ACOXL: variants seen among roughly 807,000 people sequenced by gnomAD.
ACOXL encodes acyl-coenzyme A oxidase-like protein.
ACOXL carries 70 observed loss-of-function variants against 71.9 expected under a neutral mutation model. That is an observed-to-expected ratio of 0.97 (90% CI 0.80 to 1.19). The LOEUF is 1.19. ACOXL is among the 50% of genes most tolerant of loss of function. The pLI, the probability that ACOXL is intolerant of heterozygous loss-of-function variation, is 0.00. For synonymous variants in ACOXL, 253 were observed against 281.6 expected (o/e 0.90, Z 1.02); for missense variants, 703 against 736.3 (o/e 0.95, Z 0.52).
intron 13 of ACOXL, among the ~76,000 whole-genome samples, chr2:110,990,654 A>G (rs778352150): frequency 5.3e-5 from 8 of 152,170 alleles, no homozygotes; most frequent in Non-Finnish European, 1.2e-4. Context: ...GAAGTTTTTG[A>G]TAGACACACT....
chr2:111,099,793 G>T (rs1348075243), intron 17 of ACOXL: 1 of 152,286 alleles, frequency 6.6e-6, no homozygotes, highest in South Asian at 2.1e-4. Context: ...GCATTAGTGA[G>T]TAGCTATCAG....
chr2:110,974,435 G>T (rs1353502062), intron 12 of ACOXL, among the ~76,000 whole-genome samples: 1 of 152,152 alleles, frequency 6.6e-6, no homozygotes, highest in Non-Finnish European at 1.5e-5. Flanking sequence ...GGCAGAGGTT[G>T]TAGCCCCTTG....
At chr2:110,898,183 G>GT (rs1463287908) in intron 10 of ACOXL, among the ~76,000 whole-genome samples, 1 of 83,768 alleles carries the variant, frequency 1.2e-5, no homozygotes, top group Non-Finnish European at 2.8e-5. Context: ...AATAGCAACA[G>GT]TCTATACAAC....
intron 9 of ACOXL, among the ~76,000 whole-genome samples, chr2:110,818,116 C>T (rs181454662): frequency 5.9e-5 from 9 of 151,984 alleles, no homozygotes; most frequent in African/African-American, 1.4e-4. Flanking sequence ...TATACTTGGC[C>T]GGGTGCAGTG....
chr2:111,024,901 G>T (rs2064949408), intron 14 of ACOXL, among the ~76,000 whole-genome samples: 1 of 148,960 alleles, frequency 6.7e-6, no homozygotes, highest in African/African-American at 2.4e-5. Flanking sequence ...ATATATAAAT[G>T]TATAATAATA....
intron 17 of ACOXL, 46 bp from the exon 18 acceptor site, chr2:111,117,570 T>C (rs1179045617): frequency 6.5e-7 from 1 of 1,544,546 alleles, no homozygotes; most frequent in African/African-American, 1.4e-5. Flanking sequence ...TAGATGGCTG[T>C]AAGTGTGCCA....
At chr2:110,983,999 A>T (rs139310948) in intron 12 of ACOXL, among the ~76,000 whole-genome samples, 190 of 152,128 alleles carry the variant, frequency 1.2e-3, no homozygotes, top group African/African-American at 4.3e-3. Flanking sequence ...ACGCACCACC[A>T]TGCCCGGCTA....
intron 12 of ACOXL, among the ~76,000 whole-genome samples, chr2:110,962,732 T>C (rs936248796): frequency 1.3e-5 from 2 of 152,228 alleles, no homozygotes; most frequent in African/African-American, 4.8e-5. Flanking sequence ...CTTGAAAATA[T>C]TATCAGAGCA....
intron 2 of ACOXL, among the ~76,000 whole-genome samples, chr2:110,769,579 G>C (rs1374673341): frequency 6.6e-6 from 1 of 152,122 alleles, no homozygotes. Flanking sequence ...TTGAGGCCAG[G>C]AGTTTGAGAC....
At position 110,805,306 on chromosome 2, in the gene ACOXL, A is replaced by G. The variant is rs1449221045; in HGVS notation, c.664A>G (p.Arg222Gly). The G allele has an allele frequency of 6.2e-7, 1 of 1,614,236 alleles. No homozygotes were observed. Among genetic ancestry groups the G allele is most frequent in the South Asian group, 1.1e-5 (1 of 91,088 alleles). Residue 222 changes from arginine to glycine, a missense_variant, in exon 9 of 18, where the codon AGG (arginine) becomes GGG (glycine). Coordinates refer to ENST00000439055, the MANE Select transcript of ACOXL (RefSeq NM_001142807.4). The part of the protein sequence containing the change: ...APDGQYHSPI[R>G]NKSARFNAML... ...AGATGGACAGTACCATTCGCCTATTAGGAACAAGAGTGCAAGATTCAATGC... is the reference window on the plus strand; with the variant it reads ...AGATGGACAGTACCATTCGCCTATTGGGAACAAGAGTGCAAGATTCAATGC...
intron 9 of ACOXL, among the ~76,000 whole-genome samples, chr2:110,822,318 T>A (rs1432577503): frequency 2.0e-5 from 3 of 152,196 alleles, no homozygotes; most frequent in African/African-American, 7.2e-5. Flanking sequence ...CAGTAGGGTC[T>A]TCTAGCCTTT....
chr2:111,069,691 A>G (rs1310399508), intron 16 of ACOXL, among the ~76,000 whole-genome samples: 1 of 152,090 alleles, frequency 6.6e-6, no homozygotes, highest in Non-Finnish European at 1.5e-5. Context: ...CAGTAAGTTG[A>G]GTTGAAATCA....
chr2:111,083,736 A>C (rs2068053920), intron 16 of ACOXL, among the ~76,000 whole-genome samples: 1 of 152,122 alleles, frequency 6.6e-6, no homozygotes, highest in Non-Finnish European at 1.5e-5. Context: ...ACAAGAGCTC[A>C]AAAGTCTCTC....
intron 11 of ACOXL, among the ~76,000 whole-genome samples, chr2:110,916,439 A>G (rs1290282364): frequency 1.3e-5 from 2 of 152,184 alleles, no homozygotes; most frequent in African/African-American, 2.4e-5. Flanking sequence ...ATAGCACTAA[A>G]TGCCCACAAG....
rs868744330 is a variant in ACOXL at position 110,778,889 on chromosome 2, A to G, written c.76-5843A>G. Among the ~76,000 whole-genome samples the G allele has an allele frequency of 5.9e-5, 9 of 152,332 alleles. No individual in the cohort carries two copies. In the Middle Eastern group the frequency reaches 0.014, roughly 230 times the overall value. ...TAATTTCCATTAAAATGAATGTAGAATGCTGCATAAAAAAAGTAAGCTTGT... is the reference window on the plus strand; with the variant it reads ...TAATTTCCATTAAAATGAATGTAGAGTGCTGCATAAAAAAAGTAAGCTTGT... On this transcript the variant is annotated intron_variant, in intron 2 of 17. Transcript: ENST00000439055.
intron 11 of ACOXL, among the ~76,000 whole-genome samples, chr2:110,919,664 TCAAA>T (rs2059995545): frequency 6.6e-6 from 1 of 152,200 alleles, no homozygotes; most frequent in Non-Finnish European, 1.5e-5. Flanking sequence ...CACTTCAGTA[TCAAA>T]CAAAATTGTT....
At chr2:111,109,480 T>C (rs1285392592) in intron 17 of ACOXL, among the ~76,000 whole-genome samples, 1 of 152,144 alleles carries the variant, frequency 6.6e-6, no homozygotes, top group Non-Finnish European at 1.5e-5. Flanking sequence ...GAATAATTTC[T>C]ATGAATCTGT....
intron 9 of ACOXL, among the ~76,000 whole-genome samples, chr2:110,820,262 G>A (rs1040452991): frequency 3.9e-5 from 6 of 152,134 alleles, no homozygotes; most frequent in Non-Finnish European, 8.8e-5. Flanking sequence ...GCACGTCTGA[G>A]CCCAGATGGG....
chr2:110,795,551 T>G (rs1467368805), intron 5 of ACOXL: 1 of 152,234 alleles, frequency 6.6e-6, no homozygotes, highest in Non-Finnish European at 1.5e-5. Flanking sequence ...ATTTCAAATG[T>G]TCTGTAACCT....
Sources: gnomAD v4.1 joint callset for allele counts (sites outside exome capture counted in the v4.1 genomes callset) on GRCh38, gnomAD v4.1.1 for gene constraint, MANE v1.5 for transcripts, NCBI Gene and HGNC (gene_info 2026-07-23, HGNC 2026-07-21) for gene names.